TMC1: variants seen among roughly 807,000 people sequenced by gnomAD.
TMC1 encodes transmembrane channel-like protein 1.
TMC1 carries 84 observed loss-of-function variants against 105.8 expected under a neutral mutation model. The observed-to-expected ratio is 0.79, with a 90% CI of 0.67 to 0.95. The LOEUF (loss-of-function observed/expected upper bound fraction) is 0.95, where lower values mean the gene tolerates loss of function less well. TMC1 is among the 40% of genes least tolerant of loss of function. The probability of loss-of-function intolerance (pLI) is 0.00; values close to 1 mark genes in which losing one functional copy is unlikely to be tolerated. For missense variants in TMC1, 817 were observed against 914.1 expected (o/e 0.89, Z 1.37); for synonymous variants, 315 against 311.5 (o/e 1.01, Z -0.12).
intron 8 of TMC1, among the ~76,000 whole-genome samples, chr9:72,715,258 G>A (rs948790562): frequency 2.6e-5 from 4 of 152,136 alleles, no homozygotes; most frequent in Non-Finnish European, 5.9e-5. Flanking sequence ...CTCTTCTTGA[G>A]CAGTATCTTT....
chr9:72,793,463 G>A (rs11789199), intron 17 of TMC1, among the ~76,000 whole-genome samples: 161 of 152,172 alleles, frequency 1.1e-3, no homozygotes, highest in Non-Finnish European at 1.9e-3. Flanking sequence ...GCCAACCAGC[G>A]GCTGAAGCAG....
chr9:72,790,564 T>C (rs1588084741), intron 15 of TMC1, among the ~76,000 whole-genome samples: 1 of 152,186 alleles, frequency 6.6e-6, no homozygotes, highest in Non-Finnish European at 1.5e-5. Flanking sequence ...ATTATTTATA[T>C]TGGTTATGTT....
intron 2 of TMC1, among the ~76,000 whole-genome samples, chr9:72,594,543 C>T (rs1295859102): frequency 6.6e-6 from 1 of 152,068 alleles, no homozygotes; most frequent in African/African-American, 2.4e-5. Flanking sequence ...GACTTTAGCT[C>T]AAAATAATCA....
intron 10 of TMC1, among the ~76,000 whole-genome samples, chr9:72,750,837 A>G (rs1352258456): frequency 6.6e-6 from 1 of 152,050 alleles, no homozygotes; most frequent in East Asian, 1.9e-4. Context: ...TCCCTCATTC[A>G]TGTACTCCAA....
At chr9:72,674,058 T>C (rs1162615807) in intron 5 of TMC1, among the ~76,000 whole-genome samples, 1 of 152,130 alleles carries the variant, frequency 6.6e-6, no homozygotes, top group East Asian at 1.9e-4. Context: ...AATTATGAAG[T>C]ACTTAGGAAC....
chr9:72,803,942 T>C (rs1235165261), intron 17 of TMC1, among the ~76,000 whole-genome samples: 3 of 152,214 alleles, frequency 2.0e-5, no homozygotes, highest in East Asian at 3.9e-4. Context: ...CGTATATTCA[T>C]TGCAGCACTA....
chr9:72,767,403 G>C (rs1827856873), intron 12 of TMC1, among the ~76,000 whole-genome samples: 1 of 152,086 alleles, frequency 6.6e-6, no homozygotes, highest in Non-Finnish European at 1.5e-5. Context: ...AACACCAAAG[G>C]GATGCAGTTT....
intron 9 of TMC1, among the ~76,000 whole-genome samples, chr9:72,740,826 A>C (rs1827376935): frequency 6.6e-6 from 1 of 152,234 alleles, no homozygotes; most frequent in South Asian, 2.1e-4. Flanking sequence ...AGTTTTGTGA[A>C]TAAAGTTCAT....
At chr9:72,606,785 C>G (rs572195610) in intron 2 of TMC1, among the ~76,000 whole-genome samples, 1 of 152,202 alleles carries the variant, frequency 6.6e-6, no homozygotes, top group Non-Finnish European at 1.5e-5. Flanking sequence ...GCCTCTGGTG[C>G]TAGACTGCCT....
At chr9:72,808,987 G>A (rs776975797) in intron 18 of TMC1, 10 of 152,222 alleles carry the variant, frequency 6.6e-5, no homozygotes, top group East Asian at 1.9e-4. Flanking sequence ...AATGCTCTTC[G>A]GTGAACGACA....
chr9:72,814,443 C>G (rs1828750853), intron 18 of TMC1, among the ~76,000 whole-genome samples: 1 of 152,178 alleles, frequency 6.6e-6, no homozygotes, highest in African/African-American at 2.4e-5. Flanking sequence ...TCAACCAAAC[C>G]TTTTTGCCTC....
chr9:72,538,539 C>T (rs966644123), intron 1 of TMC1, among the ~76,000 whole-genome samples: 4 of 152,050 alleles, frequency 2.6e-5, no homozygotes, highest in African/African-American at 7.2e-5. Flanking sequence ...CCAGCTCAAG[C>T]GATTCTCCTG....
chr9:72,595,981 A>C (rs1824713613), intron 2 of TMC1, among the ~76,000 whole-genome samples: 1 of 150,392 alleles, frequency 6.6e-6, no homozygotes, highest in South Asian at 2.1e-4. Context: ...GGTTCAAGCG[A>C]TTCTTCCGCC....
intron 1 of TMC1, among the ~76,000 whole-genome samples, chr9:72,532,224 C>T (rs1055307575): frequency 7.2e-5 from 11 of 152,074 alleles, no homozygotes; most frequent in African/African-American, 2.7e-4. Context: ...AGCCACCATA[C>T]CCAGCCTGAA....
chr9:72,806,354 C>T (rs556050693), intron 18 of TMC1, among the ~76,000 whole-genome samples: 18 of 142,374 alleles, frequency 1.3e-4, no homozygotes, highest in Admixed American at 4.8e-4. Flanking sequence ...GGGGGGCTGA[C>T]CCCCCCACCT....
chr9:72,591,258 G>T (rs1274464240), intron 2 of TMC1, among the ~76,000 whole-genome samples: 1 of 152,180 alleles, frequency 6.6e-6, no homozygotes, highest in African/African-American at 2.4e-5. Flanking sequence ...CAGTCTGGCT[G>T]CAAGGCAGAA....
intron 10 of TMC1, among the ~76,000 whole-genome samples, chr9:72,747,796 A>G (rs1827515095): frequency 6.6e-6 from 1 of 152,194 alleles, no homozygotes; most frequent in East Asian, 1.9e-4. Flanking sequence ...GGGTTTCAAC[A>G]TGTTGACCAG....
chr9:72,750,633 C>G (rs762313205), intron 10 of TMC1, among the ~76,000 whole-genome samples: 6 of 152,004 alleles, frequency 3.9e-5, no homozygotes, highest in Non-Finnish European at 7.4e-5. Context: ...ACATTCTTGC[C>G]TATTGCCTAT....
In TMC1 at chr9:72,659,558, T is replaced by C. The variant is rs544034524; in HGVS notation, c.16+10894T>C. ...GTGAGGCATGAGAATCACTTGAACC[T>C]GGAAGGGGGAGCCTGTGGTGAGTCA... On this transcript the variant is annotated intron_variant, in intron 5 of 23. Transcript: ENST00000297784. Among the ~76,000 whole-genome samples, 15 of 152,278 alleles carry C rather than the reference T, an allele frequency of 9.9e-5. No homozygotes were observed. In the South Asian group the frequency reaches 2.5e-3, roughly 25 times the overall value.
Sources: allele counts gnomAD v4.1 joint callset (sites outside exome capture counted in the v4.1 genomes callset), GRCh38; gene constraint gnomAD v4.1.1; transcripts MANE v1.5; gene names NCBI Gene and HGNC (gene_info 2026-07-23, HGNC 2026-07-21).